Variants in FAM222B observed in about 807,000 individuals in gnomAD.
FAM222B encodes family with sequence similarity 222 member B.
Under a neutral mutation model 38.0 loss-of-function variants are expected in FAM222B, and 12 were observed. That is an observed-to-expected ratio of 0.32 (90% CI 0.20 to 0.51). The LOEUF (loss-of-function observed/expected upper bound fraction) is 0.51. FAM222B is among the 20% of genes least tolerant of loss of function. The probability of loss-of-function intolerance (pLI) is 0.97; values close to 1 mark genes in which losing one functional copy is unlikely to be tolerated. For missense variants in FAM222B, 716 were observed against 754.2 expected (o/e 0.95, Z 0.59); for synonymous variants, 329 against 317.2 (o/e 1.04, Z -0.40).
intron 2 of FAM222B, among the ~76,000 whole-genome samples, chr17:28,760,554 T>C (rs2035021553): frequency 6.6e-6 from 1 of 150,414 alleles, no homozygotes; most frequent in Admixed American, 6.6e-5. Context: ...CACTCCAACC[T>C]GGGCGACAGA....
intron 1 of FAM222B, among the ~76,000 whole-genome samples, chr17:28,809,646 C>A (rs906871001): frequency 2.6e-5 from 4 of 152,002 alleles, no homozygotes; most frequent in African/African-American, 9.7e-5. Context: ...TTGCACCATG[C>A]AAAACAGTGA....
intron 1 of FAM222B, among the ~76,000 whole-genome samples, chr17:28,827,676 T>C (rs918596313): frequency 6.6e-6 from 1 of 152,208 alleles, no homozygotes; most frequent in Non-Finnish European, 1.5e-5. Context: ...TTTGTTCAGA[T>C]AATTGTTTAT....
chr17:28,768,908 C>T (rs1266717193), intron 1 of FAM222B, among the ~76,000 whole-genome samples: 1 of 149,524 alleles, frequency 6.7e-6, no homozygotes, highest in Non-Finnish European at 1.5e-5. Context: ...ATAATAACTT[C>T]TCCCTTAAGA....
intron 1 of FAM222B, among the ~76,000 whole-genome samples, chr17:28,788,146 A>C (rs868066643): frequency 6.6e-6 from 1 of 151,742 alleles, no homozygotes; most frequent in South Asian, 2.1e-4. Context: ...TTAAACCTCT[A>C]AAGTGTTGAA....
intron 1 of FAM222B, among the ~76,000 whole-genome samples, chr17:28,784,491 TAAAAAAAAAAAAAAAAAAAAAAAAA>T (rs559624246): frequency 3.9e-4 from 14 of 36,032 alleles, no homozygotes; most frequent in African/African-American, 1.3e-3. Context: ...TCCCCTCTCT[TAAAAAAAAAAAAAAAAAAAAAAAAA>T]AAAAAAAAAA....
At chr17:28,843,138 CTT>C (rs1354572041), upstream of FAM222B, among the ~76,000 whole-genome samples, 2 of 80,314 alleles carry the variant, frequency 2.5e-5, no homozygotes, top group African/African-American at 1.2e-4. Context: ...AAATTTGGGT[CTT>C]TTTTTTTTTT....
intron 1 of FAM222B, among the ~76,000 whole-genome samples, chr17:28,805,074 G>A (rs2037419569): frequency 1.3e-5 from 2 of 151,760 alleles, no homozygotes; most frequent in South Asian, 2.1e-4. Flanking sequence ...GAAACTAAGT[G>A]TAGTCTGGAC....
At chr17:28,801,427 C>A (rs1284304244) in intron 1 of FAM222B, among the ~76,000 whole-genome samples, 2 of 139,302 alleles carry the variant, frequency 1.4e-5, no homozygotes, top group African/African-American at 2.8e-5. Flanking sequence ...GCACTCCAGT[C>A]TGGGCGACAG....
chr17:28,843,355 T>C (rs899523803), upstream of FAM222B, among the ~76,000 whole-genome samples: 2 of 150,562 alleles, frequency 1.3e-5, no homozygotes, highest in Non-Finnish European at 2.9e-5. Context: ...CAGGCTGGTC[T>C]CGAACTCCCG....
intron 1 of FAM222B, among the ~76,000 whole-genome samples, chr17:28,773,011 CT>C (rs199681719): frequency 0.012 from 1,767 of 152,276 alleles, 16 homozygotes; most frequent in Non-Finnish European, 0.02. Flanking sequence ...AGAAAGTCAA[CT>C]TTTGGTTTGG....
Position 28,807,104 on chromosome 17 carries a change from C to T in FAM222B, c.-41+35578G>A, listed in dbSNP as rs2037529438. Among the ~76,000 whole-genome samples, 3 of 151,174 alleles carry T rather than the reference C, an allele frequency of 2.0e-5. No homozygotes were observed. In the South Asian group the frequency reaches 6.3e-4, roughly 32 times the overall value. On this transcript the variant is annotated intron_variant, in intron 1 of 2. Transcript: ENST00000581407. ...AATCTCGGCTCACTGCAACCTCTAC[C>T]TCCTGGGTTCAAGCGATTCTCCTGC...
At position 28,762,766 on chromosome 17, in the gene FAM222B, G is replaced by A. The variant is rs560572641; in HGVS notation, c.83-2890C>T. ...AGCCTGGCCAAGATGGAGAAACCCCGTCTCTACTAAAAAAATACAAAAAAT... is the reference window on the plus strand; with the variant it reads ...AGCCTGGCCAAGATGGAGAAACCCCATCTCTACTAAAAAAATACAAAAAAT... On this transcript the variant is annotated intron_variant, in intron 2 of 2. Transcript: ENST00000581407. 5.3e-5 allele frequency among the ~76,000 whole-genome samples: 8 copies of A among 150,720 alleles called. No homozygotes were observed. In the South Asian group the frequency reaches 1.1e-3, roughly 20 times the overall value.
At chr17:28,826,727 CATTGGA>C (rs143916914) in intron 1 of FAM222B, among the ~76,000 whole-genome samples, 74 of 151,314 alleles carry the variant, frequency 4.9e-4, no homozygotes, top group Non-Finnish European at 5.2e-4. Flanking sequence ...TGTTTGCCCT[CATTGGA>C]ATGTAAGCTC....
chr17:28,783,509 ATGAGATTT>A (rs2036250286), intron 1 of FAM222B, among the ~76,000 whole-genome samples: 4 of 100,768 alleles, frequency 4.0e-5, no homozygotes, highest in Non-Finnish European at 2.3e-5. Flanking sequence ...CCCTACCTTC[ATGAGATTT>A]TTTTTTTTTT....
At chr17:28,772,122 C>A (rs1396719166) in intron 1 of FAM222B, among the ~76,000 whole-genome samples, 2 of 152,108 alleles carry the variant, frequency 1.3e-5, no homozygotes, top group East Asian at 3.9e-4. Flanking sequence ...AAAACCTCAA[C>A]CTTAAGAAAC....
chr17:28,793,807 G>A (rs962306237), intron 1 of FAM222B, among the ~76,000 whole-genome samples: 3 of 148,186 alleles, frequency 2.0e-5, no homozygotes, highest in Non-Finnish European at 4.4e-5. Flanking sequence ...GTGCAATGGT[G>A]CGATACGGGC....
intron 1 of FAM222B, among the ~76,000 whole-genome samples, chr17:28,813,100 G>T (rs1212700809): frequency 1.1e-5 from 1 of 87,020 alleles, no homozygotes; most frequent in African/African-American, 5.1e-5. Flanking sequence ...GTGGGGTGGA[G>T]AAGGGAATAC....
At chr17:28,847,226 A>G (rs541929203), upstream of FAM222B, among the ~76,000 whole-genome samples, 3 of 151,228 alleles carry the variant, frequency 2.0e-5, no homozygotes, top group South Asian at 2.1e-4. Flanking sequence ...CTCAAAAGAA[A>G]AAAAAAAGAA....
intron 1 of FAM222B, among the ~76,000 whole-genome samples, chr17:28,787,477 A>G (rs1015343761): frequency 1.3e-5 from 2 of 152,190 alleles, no homozygotes; most frequent in Non-Finnish European, 1.5e-5. Flanking sequence ...ACTCACTATA[A>G]CTTGAAGATT....
Sources: allele counts gnomAD v4.1 joint callset (sites outside exome capture counted in the v4.1 genomes callset), GRCh38; gene constraint gnomAD v4.1.1; transcripts MANE v1.5; gene names NCBI Gene and HGNC (gene_info 2026-07-23, HGNC 2026-07-21).